Variants in MRRF observed in about 807,000 individuals in gnomAD.
MRRF encodes mitochondrial ribosome recycling factor.
Under a neutral mutation model 25.1 loss-of-function variants are expected in MRRF, and 18 were observed. That is an observed-to-expected ratio of 0.72 (90% CI 0.50 to 1.06). MRRF has a LOEUF of 1.06. Ranked by LOEUF, MRRF falls within the 50% of genes least tolerant of loss-of-function variation. The pLI, the probability that MRRF is intolerant of heterozygous loss-of-function variation, is 0.00. For synonymous variants in MRRF, 113 were observed against 112.1 expected (o/e 1.01, Z -0.05); for missense variants, 323 against 319.3 (o/e 1.01, Z -0.09).
At position 122,327,977 on chromosome 9, in the gene MRRF, TG is replaced by T. The variant is rs1395856740; in HGVS notation, c.*5361del. 6.6e-6 allele frequency: 1 copy of T among 151,972 alleles called. No homozygotes were observed. Among genetic ancestry groups the T allele is most frequent in the East Asian group, 1.9e-4 (1 of 5,184 alleles). The allele number at this position is 151,972 out of a possible 1,614,324, so 9.4% of individuals were successfully genotyped here. On this transcript the variant is annotated 3_prime_UTR_variant, in exon 7 of 7. Transcript: ENST00000344641. ...TACATAAAATTTACTCTCTTAACCA[TG>T]TTTTTTTTTTAGACAGGGTCTTGCT... is the stretch of plus-strand genomic sequence containing the variant.
chr9:122,267,402 T>C (rs1197786011), intron 1 of MRRF, among the ~76,000 whole-genome samples: 3 of 151,710 alleles, frequency 2.0e-5, no homozygotes, highest in African/African-American at 7.3e-5. Context: ...AAAAAAAATT[T>C]AATAGTTGGG....
At chr9:122,297,288 G>C (rs954412495) in intron 5 of MRRF, among the ~76,000 whole-genome samples, 1 of 152,026 alleles carries the variant, frequency 6.6e-6, no homozygotes, top group Admixed American at 6.6e-5. Context: ...CAACCTGGGC[G>C]ACCAAGTGAG....
At chr9:122,273,311 G>A (rs1832576534) in intron 2 of MRRF, among the ~76,000 whole-genome samples, 1 of 151,946 alleles carries the variant, frequency 6.6e-6, no homozygotes, top group Admixed American at 6.6e-5. Flanking sequence ...GTGTGGTGGT[G>A]CACCCCTGTG....
intron 2 of MRRF, among the ~76,000 whole-genome samples, chr9:122,279,692 C>T (rs1832980362): frequency 6.6e-6 from 1 of 152,130 alleles, no homozygotes; most frequent in Admixed American, 6.5e-5. Flanking sequence ...AAATTATATT[C>T]AGCTCCCAAT....
chr9:122,304,099 A>ACC (rs1554822612), intron 5 of MRRF, among the ~76,000 whole-genome samples: 4 of 147,344 alleles, frequency 2.7e-5, no homozygotes, highest in African/African-American at 7.6e-5. Flanking sequence ...ACACACACAC[A>ACC]CCCTTTAGGG....
intron 6 of MRRF, among the ~76,000 whole-genome samples, chr9:122,313,965 G>A (rs995020596): frequency 6.6e-6 from 1 of 152,158 alleles, no homozygotes; most frequent in Non-Finnish European, 1.5e-5. Flanking sequence ...GGGTTTGAAC[G>A]TAGGATAAGA....
intron 4 of MRRF, 145 bp from the exon 5 acceptor site, chr9:122,291,604 A>G (rs1247337242): frequency 1.4e-6 from 1 of 708,496 alleles, no homozygotes; most frequent in Non-Finnish European, 2.6e-6. Context: ...AAAGCACTCT[A>G]CACCAATGTA....
At chr9:122,315,921 T>C (rs888571770) in intron 6 of MRRF, among the ~76,000 whole-genome samples, 2 of 152,206 alleles carry the variant, frequency 1.3e-5, no homozygotes, top group Non-Finnish European at 2.9e-5. Flanking sequence ...CCTTCACTCA[T>C]TAGCACTGGC....
chr9:122,265,935 T>C (rs1181059784), intron 1 of MRRF, among the ~76,000 whole-genome samples: 1 of 152,244 alleles, frequency 6.6e-6, no homozygotes, highest in Non-Finnish European at 1.5e-5. Flanking sequence ...GGTACTGCAT[T>C]TAGAGAAGAA....
At chr9:122,317,165 A>AT (rs1835586362) in intron 6 of MRRF, among the ~76,000 whole-genome samples, 1 of 151,660 alleles carries the variant, frequency 6.6e-6, no homozygotes, top group Non-Finnish European at 1.5e-5. Flanking sequence ...GGGATTGCAT[A>AT]TTTTTTGTAA....
chr9:122,319,776 C>T (rs878918677), intron 6 of MRRF, among the ~76,000 whole-genome samples: 1 of 151,874 alleles, frequency 6.6e-6, no homozygotes, highest in East Asian at 1.9e-4. Context: ...TATTTTAAGA[C>T]GTCTGATAAA....
chr9:122,331,297 T>C lies in MRRF; in HGVS notation c.*8680T>C, dbSNP rs1836276173. 1 of 152,244 alleles carries C rather than the reference T, an allele frequency of 6.6e-6. No homozygotes were observed. The highest frequency in any genetic ancestry group is 1.5e-5 in the Non-Finnish European group (1 of 68,044). 9.4% of individuals were successfully genotyped at this position (152,244 alleles called of 1,614,324 possible). On this transcript the variant is annotated 3_prime_UTR_variant, in exon 7 of 7. Coordinates refer to ENST00000344641, the MANE Select transcript of MRRF (RefSeq NM_138777.5). ...ACTATTACCTATTCTTAGAGCTTTC[T>C]CTTTTGTTTTTGGCATTAAAATATC...
At chr9:122,288,561 T>C (rs1477294855) in intron 4 of MRRF, among the ~76,000 whole-genome samples, 3 of 152,238 alleles carry the variant, frequency 2.0e-5, no homozygotes, top group Non-Finnish European at 2.9e-5. Context: ...TCAGCACATA[T>C]TTTTTGAGTC....
intron 5 of MRRF, among the ~76,000 whole-genome samples, chr9:122,300,100 C>G (rs1293257980): frequency 6.6e-6 from 1 of 152,218 alleles, no homozygotes; most frequent in Non-Finnish European, 1.5e-5. Context: ...GAGACTCACA[C>G]TGCAGTGCAG....
intron 3 of MRRF, among the ~76,000 whole-genome samples, chr9:122,283,672 C>T (rs558758067): frequency 6.6e-6 from 1 of 152,206 alleles, no homozygotes; most frequent in Non-Finnish European, 1.5e-5. Flanking sequence ...CTGCATTATT[C>T]TAACAACATA....
In MRRF at chr9:122,280,425, T is replaced by C. The variant is rs1348595866; in HGVS notation, c.185-18T>C. 1 of 1,614,020 alleles carries C rather than the reference T, an allele frequency of 6.2e-7. No homozygotes were observed. Among genetic ancestry groups the C allele is most frequent in the Non-Finnish European group, 8.5e-7 (1 of 1,179,862 alleles). On this transcript the variant is annotated intron_variant, in intron 2 of 6. Coordinates refer to ENST00000344641, the MANE Select transcript of MRRF (RefSeq NM_138777.5). ...TTTATGCTGCTGTTGTTTTATTCAC[T>C]GAATGTTCACTTTTTAGCCAAAGGG...
chr9:122,270,583 A>G (rs1359364897), intron 1 of MRRF, among the ~76,000 whole-genome samples: 1 of 152,182 alleles, frequency 6.6e-6, no homozygotes. Context: ...TATTTGCTTA[A>G]TGGGCATTTT....
At chr9:122,291,987 A>T (rs547183117) in intron 5 of MRRF, 147 bp downstream of exon 5, 9 of 721,160 alleles carry the variant, frequency 1.2e-5, no homozygotes, top group African/African-American at 1.7e-5. Flanking sequence ...AGATCACTTT[A>T]CTGATTCAGA....
In MRRF at chr9:122,329,586, AAGCCAGGACACTGGG is replaced by A. The variant is rs1479836013; in HGVS notation, c.*6975_*6989del. ...AAGCCTCACCATCCACCCAGGTGCCAAGCCAGGACACTGGGAGCCACTTTTGCCTCCCTGTCCCTC... is the reference window on the plus strand; with the variant it reads ...AAGCCTCACCATCCACCCAGGTGCCAAGCCACTTTTGCCTCCCTGTCCCTC... On this transcript the variant is annotated 3_prime_UTR_variant, in exon 7 of 7. Coordinates refer to ENST00000344641, the MANE Select transcript of MRRF (RefSeq NM_138777.5). 4 of 152,370 alleles carry A rather than the reference AAGCCAGGACACTGGG, an allele frequency of 2.6e-5. No homozygotes were observed. The East Asian group carries it at 7.7e-4, about 29-fold the overall frequency. The allele number at this position is 152,370 out of a possible 1,614,324, so 9.4% of individuals were successfully genotyped here. A position where few individuals can be genotyped will look rare whatever the true frequency, so the allele number is the denominator to read the frequency against.
Sources: gnomAD v4.1 joint callset for allele counts (sites outside exome capture counted in the v4.1 genomes callset) on GRCh38, gnomAD v4.1.1 for gene constraint, MANE v1.5 for transcripts, NCBI Gene and HGNC (gene_info 2026-07-23, HGNC 2026-07-21) for gene names.